The following PPP1R42 variants were observed in gnomAD, a reference collection of about 807,000 sequenced individuals.
The protein encoded by PPP1R42 is leucine rich repeat containing 67.
In PPP1R42, 34 loss-of-function variants were observed where a neutral mutation model predicts 31.0. The ratio of observed to expected loss-of-function variants is 1.10; its 90% confidence interval spans 0.83 to 1.46. The LOEUF is 1.46. PPP1R42 is among the 40% of genes most tolerant of loss of function. The probability of loss-of-function intolerance (pLI) is 0.00; values close to 1 mark genes in which losing one functional copy is unlikely to be tolerated. For synonymous variants in PPP1R42, 103 were observed against 109.8 expected (o/e 0.94, Z 0.39); for missense variants, 268 against 303.0 (o/e 0.88, Z 0.86).
At chr8:66,974,467 T>C (rs1814617666) in intron 7 of PPP1R42, among the ~76,000 whole-genome samples, 1 of 152,054 alleles carries the variant, frequency 6.6e-6, no homozygotes, top group Non-Finnish European at 1.5e-5. Context: ...GGCAGGAGAA[T>C]TGCTTGAACC....
intron 1 of PPP1R42, among the ~76,000 whole-genome samples, chr8:67,018,807 G>GTCCCCCC: frequency 6.6e-5 from 1 of 15,216 alleles, no homozygotes; most frequent in African/African-American, 2.1e-4. Flanking sequence ...CACCGTGCCT[G>GTCCCCCC]GCCCCCGCCC....
intron 5 of PPP1R42, among the ~76,000 whole-genome samples, chr8:66,995,694 C>T (rs896409976): frequency 3.3e-5 from 5 of 152,090 alleles, no homozygotes; most frequent in African/African-American, 1.2e-4. Flanking sequence ...ATCAAGTTTC[C>T]TCACCAACCA....
At chr8:66,976,283 A>T (rs1349890410) in intron 7 of PPP1R42, among the ~76,000 whole-genome samples, 1 of 152,156 alleles carries the variant, frequency 6.6e-6, no homozygotes, top group African/African-American at 2.4e-5. Flanking sequence ...ACTCTGCGTT[A>T]TGGTGAATTA....
intron 3 of PPP1R42, 113 bp from the exon 4 acceptor site, chr8:67,013,209 G>T: frequency 2.5e-6 from 2 of 792,242 alleles, no homozygotes; most frequent in Non-Finnish European, 3.8e-6. Context: ...TTATAAATGT[G>T]GAATGTTGTG....
chr8:67,006,953 C>T (rs546353338), intron 5 of PPP1R42, among the ~76,000 whole-genome samples: 1 of 151,782 alleles, frequency 6.6e-6, no homozygotes, highest in East Asian at 1.9e-4. Flanking sequence ...CCATGTTAGC[C>T]AGGATGGTCT....
intron 6 of PPP1R42, chr8:66,985,736 G>A (rs1814988957): frequency 1.6e-6 from 2 of 1,278,572 alleles, no homozygotes; most frequent in Admixed American, 3.4e-5. Flanking sequence ...GGTGTAGGGG[G>A]GCTAATGAAG....
At chr8:67,024,851 T>C (rs919787081) in intron 1 of PPP1R42, among the ~76,000 whole-genome samples, 3 of 152,144 alleles carry the variant, frequency 2.0e-5, no homozygotes, top group African/African-American at 7.2e-5. Context: ...GTTAAATTTT[T>C]TTGCATTCCA....
chr8:67,005,859 A>C (rs1414071232), intron 5 of PPP1R42, among the ~76,000 whole-genome samples: 1 of 151,896 alleles, frequency 6.6e-6, no homozygotes, highest in Non-Finnish European at 1.5e-5. Flanking sequence ...TTTTTTAAAA[A>C]TCCTTCAGTT....
intron 3 of PPP1R42, among the ~76,000 whole-genome samples, chr8:67,013,309 TG>T (rs1815900173): frequency 6.6e-6 from 1 of 152,086 alleles, no homozygotes. Flanking sequence ...ATTTTTTTTT[TG>T]CTTTTTAAAA....
intron 7 of PPP1R42, among the ~76,000 whole-genome samples, chr8:66,978,585 C>T (rs1354643453): frequency 6.6e-6 from 1 of 152,072 alleles, no homozygotes; most frequent in Non-Finnish European, 1.5e-5. Flanking sequence ...CCCTGGCTAA[C>T]TTTTGTATTG....
chr8:66,965,562 C>G (rs1178858949), intron 7 of PPP1R42, among the ~76,000 whole-genome samples: 1 of 151,686 alleles, frequency 6.6e-6, no homozygotes, highest in East Asian at 1.9e-4. Context: ...GATCCTTCCA[C>G]CCTAGCCTCC....
intron 7 of PPP1R42, 121 bp from the exon 8 acceptor site, chr8:66,964,455 C>A: frequency 8.2e-6 from 3 of 365,382 alleles, no homozygotes; most frequent in Non-Finnish European, 1.4e-5. Flanking sequence ...GATTAATCAC[C>A]AAACAGTGTG....
rs146814020 is a variant in PPP1R42 at position 66,984,263 on chromosome 8, G to A, written c.671-2083C>T. ...TTAAACTTCATCTCTCCAAAGCTCC[G>A]GTCTTTGGCTGTACCCTCCCAGAAT... On this transcript the variant is annotated intron_variant, in intron 6 of 7. Transcript: ENST00000685739. 4.2e-3 allele frequency: 6,037 copies of A among 1,452,566 alleles called. 37 individuals carry two copies. Among genetic ancestry groups the A allele is most frequent in the Non-Finnish European group, 3.9e-3 (4,029 of 1,035,462 alleles). 90.0% of individuals were successfully genotyped at this position (1,452,566 alleles called of 1,614,324 possible).
At chr8:66,984,356 T>A in intron 6 of PPP1R42, 1 of 1,293,404 alleles carries the variant, frequency 7.7e-7, no homozygotes. Flanking sequence ...CCCTTTGTGT[T>A]AGATGTCTGT....
At chr8:66,986,749 G>A (rs1815030166) in intron 6 of PPP1R42, among the ~76,000 whole-genome samples, 1 of 152,218 alleles carries the variant, frequency 6.6e-6, no homozygotes, top group South Asian at 2.1e-4. Context: ...TAAACTGCTA[G>A]AACGAAGAGT....
At chr8:66,988,635 A>G (rs531490061) in intron 5 of PPP1R42, 118 bp from the exon 6 acceptor site, 238 of 864,234 alleles carry the variant, frequency 2.8e-4, no homozygotes, top group Non-Finnish European at 3.8e-4. Context: ...GCTCAGAGCC[A>G]GGTACTTAGA....
At chr8:67,009,982 C>T (rs931386172) in intron 5 of PPP1R42, among the ~76,000 whole-genome samples, 1 of 152,208 alleles carries the variant, frequency 6.6e-6, no homozygotes, top group Non-Finnish European at 1.5e-5. Context: ...CGTTGCCAAA[C>T]CAGAAACTTT....
intron 6 of PPP1R42, among the ~76,000 whole-genome samples, chr8:66,987,570 G>A (rs1246025430): frequency 2.6e-5 from 4 of 152,140 alleles, no homozygotes; most frequent in African/African-American, 9.7e-5. Context: ...GGGAACACAG[G>A]CGTGAGCCAC....
chr8:66,988,767 C>T (rs1815102881), intron 5 of PPP1R42, among the ~76,000 whole-genome samples: 1 of 152,146 alleles, frequency 6.6e-6, no homozygotes, highest in African/African-American at 2.4e-5. Flanking sequence ...GTCATACTCC[C>T]TTAAATGGCC....
Sources: gnomAD v4.1 joint callset for allele counts (sites outside exome capture counted in the v4.1 genomes callset) on GRCh38, gnomAD v4.1.1 for gene constraint, MANE v1.5 for transcripts, NCBI Gene and HGNC (gene_info 2026-07-23, HGNC 2026-07-21) for gene names.